DMD: variants seen among roughly 807,000 people sequenced by gnomAD.
DMD encodes the protein mutant dystrophin.
In DMD, 63 loss-of-function variants were observed where a neutral mutation model predicts 330.1. That is an observed-to-expected ratio of 0.19 (90% CI 0.16 to 0.24). DMD has a LOEUF of 0.24. Ranked by LOEUF, DMD falls within the 10% of genes least tolerant of loss-of-function variation. The probability of loss-of-function intolerance (pLI) is 1.00; values close to 1 mark genes in which losing one functional copy is unlikely to be tolerated. For missense variants in DMD, 3,344 were observed against 2,684.1 expected, an observed-to-expected ratio of 1.25 and a Z score of -5.43; for synonymous variants, 1,223 against 959.8, an observed-to-expected ratio of 1.27 and a Z score of -5.07.
Position 32,411,149 on chromosome X carries a change from A to G in DMD, c.4233+603T>C, listed in dbSNP as rs1339063392. Among the ~76,000 whole-genome samples, 3 of 106,762 alleles carry G rather than the reference A, an allele frequency of 2.8e-5. No individual in the cohort carries two copies. The South Asian group carries it at 1.1e-3, about 40-fold the overall frequency. 92.7% of individuals were successfully genotyped at this position (106,762 alleles called of 115,157 possible). A position where few individuals can be genotyped will look rare whatever the true frequency, so the allele number is the denominator to read the frequency against. On this transcript the variant is annotated intron_variant, in intron 30 of 78. Coordinates refer to ENST00000357033, the MANE Select transcript of DMD (RefSeq NM_004006.3). ...GAAAATATTTTCTTTTTTTCTTTTT[A>G]TAAGATAGAGTCTCGCTCTGTTCCA...
chrX:31,501,435 A>G (rs1024388643), intron 56 of DMD, among the ~76,000 whole-genome samples: 4 of 112,518 alleles, frequency 3.6e-5, no homozygotes, highest in Non-Finnish European at 7.5e-5. Context: ...CTTAGCTTCT[A>G]TCTATGTCTA....
intron 49 of DMD, among the ~76,000 whole-genome samples, chrX:31,834,443 T>A (rs903225611): frequency 9.0e-6 from 1 of 111,335 alleles, no homozygotes; most frequent in African/African-American, 3.3e-5. Flanking sequence ...ATCAACTTGA[T>A]ATATATATAT....
At chrX:31,260,535 G>T (rs964508422) in intron 63 of DMD, among the ~76,000 whole-genome samples, 1 of 111,489 alleles carries the variant, frequency 9.0e-6, no homozygotes, top group African/African-American at 3.3e-5. Context: ...CCGGAAAGAC[G>T]GCAGAAAATT....
At chrX:32,397,793 A>G (rs1355479058) in intron 30 of DMD, among the ~76,000 whole-genome samples, 1 of 111,560 alleles carries the variant, frequency 9.0e-6, no homozygotes, top group East Asian at 2.8e-4. Flanking sequence ...TATATATAGT[A>G]ACAGAAAATG....
chrX:31,539,013 T>C (rs913030941), intron 55 of DMD, among the ~76,000 whole-genome samples: 1 of 112,040 alleles, frequency 8.9e-6, no homozygotes, highest in Non-Finnish European at 1.9e-5. Flanking sequence ...ATTATTCTCG[T>C]ATTCTTAAAT....
chrX:33,202,918 T>G (rs1193519796), intron 1 of DMD, among the ~76,000 whole-genome samples: 1 of 111,630 alleles, frequency 9.0e-6, no homozygotes, highest in Non-Finnish European at 1.9e-5. Flanking sequence ...AACCTAATGT[T>G]AAAAAAAGTT....
At chrX:33,113,257 A>G (rs2095354984) in intron 1 of DMD, among the ~76,000 whole-genome samples, 1 of 109,062 alleles carries the variant, frequency 9.2e-6, no homozygotes, top group African/African-American at 3.3e-5. Flanking sequence ...GGGTTTCACC[A>G]TGTTGGCCAG....
At chrX:31,682,340 G>A (rs1020087635) in intron 52 of DMD, among the ~76,000 whole-genome samples, 2 of 111,281 alleles carry the variant, frequency 1.8e-5, no homozygotes, top group Non-Finnish European at 3.8e-5. Context: ...CTGTTTAACC[G>A]TAAGTCTCTC....
chrX:32,913,284 A>T (rs1342455039), intron 2 of DMD, among the ~76,000 whole-genome samples: 1 of 112,240 alleles, frequency 8.9e-6, no homozygotes, highest in Admixed American at 9.5e-5. Flanking sequence ...TATAGTTAAT[A>T]TGTGTCTACA....
intron 34 of DMD, among the ~76,000 whole-genome samples, chrX:32,371,284 T>A (rs2097876220): frequency 9.0e-6 from 1 of 111,654 alleles, no homozygotes; most frequent in South Asian, 3.7e-4. Flanking sequence ...AGACATAGAT[T>A]ATTCTGCATT....
At chrX:32,257,971 G>GA (rs141361608) in intron 43 of DMD, among the ~76,000 whole-genome samples, 34,709 of 101,834 alleles carry the variant, frequency 0.34, 4,607 homozygotes, top group Middle Eastern at 0.45. Flanking sequence ...AAATTTACAA[G>GA]AAAAAAAAAA....
chrX:33,190,251 C>A (rs1170844131), intron 1 of DMD, among the ~76,000 whole-genome samples: 3 of 106,919 alleles, frequency 2.8e-5, no homozygotes, highest in African/African-American at 1.0e-4. Flanking sequence ...GATAACTGCC[C>A]CCCATCTATG....
At chrX:32,833,511 A>G (rs1452590766) in intron 4 of DMD, among the ~76,000 whole-genome samples, 1 of 109,941 alleles carries the variant, frequency 9.1e-6, no homozygotes, top group African/African-American at 3.3e-5. Context: ...GTAAATGGAC[A>G]CTGTCCTCAA....
intron 44 of DMD, among the ~76,000 whole-genome samples, chrX:32,117,261 T>C (rs2096614830): frequency 9.1e-6 from 1 of 109,945 alleles, no homozygotes; most frequent in Admixed American, 9.7e-5. Context: ...ATCTCACTCC[T>C]AGTTGGGAGT....
intron 44 of DMD, among the ~76,000 whole-genome samples, chrX:32,168,097 G>A (rs762896830): frequency 1.1e-4 from 12 of 112,140 alleles, no homozygotes; most frequent in South Asian, 7.4e-4. Flanking sequence ...TCTGAAGACC[G>A]TGCTGCCCAA....
chrX:33,001,927 A>G (rs981159014), intron 2 of DMD, among the ~76,000 whole-genome samples: 16 of 111,592 alleles, frequency 1.4e-4, no homozygotes, highest in African/African-American at 4.5e-4. Flanking sequence ...TTTTAAAAAT[A>G]TAGGCATCAA....
chrX:32,426,699 G>C (rs1199821995), intron 29 of DMD, among the ~76,000 whole-genome samples: 1 of 111,519 alleles, frequency 9.0e-6, no homozygotes, highest in Non-Finnish European at 1.9e-5. Context: ...CAAAGATACA[G>C]AATCAACCTA....
At chrX:33,290,435 GT>G (rs1222531316) in intron 1 of DMD, among the ~76,000 whole-genome samples, 4 of 111,031 alleles carry the variant, frequency 3.6e-5, no homozygotes, top group African/African-American at 1.3e-4. Context: ...TATTTTTTTG[GT>G]TATAAAATCC....
At chrX:32,724,555 A>G (rs1383469986) in intron 7 of DMD, among the ~76,000 whole-genome samples, 1 of 111,781 alleles carries the variant, frequency 8.9e-6, no homozygotes, top group Non-Finnish European at 1.9e-5. Context: ...TGAAACAATA[A>G]ATCAACCCAA....
Sources: allele counts gnomAD v4.1 joint callset (sites outside exome capture counted in the v4.1 genomes callset), GRCh38; gene constraint gnomAD v4.1.1; transcripts MANE v1.5; gene names NCBI Gene and HGNC (gene_info 2026-07-23, HGNC 2026-07-21).